DAPK1: variants seen among roughly 807,000 people sequenced by gnomAD.
DAPK1 encodes death associated protein kinase 1, also known as death-associated protein kinase 1.
In DAPK1, 56 loss-of-function variants were observed where a neutral mutation model predicts 144.9. The ratio of observed to expected loss-of-function variants is 0.39; its 90% CI spans 0.31 to 0.48. The LOEUF is 0.48. Among genes scored for constraint, DAPK1 ranks in the 20% least tolerant of loss-of-function variants. The probability of loss-of-function intolerance (pLI) is 0.95; values close to 1 mark genes in which losing one functional copy is unlikely to be tolerated. For synonymous variants in DAPK1, 690 were observed against 749.0 expected (o/e 0.92, Z 1.29); for missense variants, 1,454 against 1,875.4 (o/e 0.78, Z 4.15).
At chr9:87,633,367 T>G (rs1829781041) in intron 3 of DAPK1, 2 of 984,764 alleles carry the variant, frequency 2.0e-6, no homozygotes, top group Admixed American at 6.1e-5. Context: ...TGAGGGGGGA[T>G]GGAGTGAATA....
At chr9:87,508,721 C>T (rs944046757) in intron 2 of DAPK1, among the ~76,000 whole-genome samples, 2 of 151,884 alleles carry the variant, frequency 1.3e-5, no homozygotes, top group Non-Finnish European at 2.9e-5. Context: ...GTGAAAAAGA[C>T]ATGTAGAGAA....
chr9:87,578,486 G>T (rs772666519), intron 2 of DAPK1, among the ~76,000 whole-genome samples: 5 of 152,052 alleles, frequency 3.3e-5, no homozygotes, highest in Non-Finnish European at 7.4e-5. Context: ...TATTTCCTTA[G>T]GATAGATTGC....
At chr9:87,577,963 C>T (rs1827623185) in intron 2 of DAPK1, among the ~76,000 whole-genome samples, 2 of 152,062 alleles carry the variant, frequency 1.3e-5, no homozygotes, top group Non-Finnish European at 2.9e-5. Context: ...AACAGGTGCT[C>T]AGAGGCGATG....
chr9:87,592,042 A>G (rs1828154070), intron 2 of DAPK1, among the ~76,000 whole-genome samples: 2 of 152,186 alleles, frequency 1.3e-5, no homozygotes, highest in South Asian at 4.1e-4. Context: ...TTTAGGCCCC[A>G]TTATGCTGAG....
chr9:87,520,158 A>C (rs527412562), intron 2 of DAPK1, among the ~76,000 whole-genome samples: 7 of 152,270 alleles, frequency 4.6e-5, no homozygotes, highest in African/African-American at 1.7e-4. Flanking sequence ...GTTAGGATTT[A>C]ATTATGGCTT....
At chr9:87,501,455 G>T (rs951542865) in intron 2 of DAPK1, among the ~76,000 whole-genome samples, 6 of 152,182 alleles carry the variant, frequency 3.9e-5, no homozygotes, top group Non-Finnish European at 1.5e-5. Context: ...TGAGGCATGA[G>T]AATCGCCTGA....
At position 87,640,773 on chromosome 9, in the gene DAPK1, AT is replaced by A. The variant is rs1015375983; in HGVS notation, c.783-21del. 9.3e-6 allele frequency: 15 copies of A among 1,611,242 alleles called. No individual in the cohort carries two copies. In the African/African-American group the frequency reaches 1.5e-4, roughly 16 times the overall value. On this transcript the variant is annotated intron_variant, in intron 8 of 25. Transcript: ENST00000408954. The stretch of plus-strand genomic sequence containing the variant: ...TAGTATTTGCTGCTATGGTCACAGC[AT>A]TTTTTTTCTTCTCCCCCTCCCCTCA...
chr9:87,501,609 G>T lies in DAPK1; in HGVS notation c.62+2470G>T, dbSNP rs542537308. Among the ~76,000 whole-genome samples, 12 of 152,252 alleles carry T rather than the reference G, an allele frequency of 7.9e-5. No homozygotes were observed. In the South Asian group the frequency reaches 1.9e-3, roughly 24 times the overall value. ...CTTTAGCAGTCATCTAAATAATAACGATTCACTTACCTTATAAATGTAGTG... is the reference window on the plus strand; with the variant it reads ...CTTTAGCAGTCATCTAAATAATAACTATTCACTTACCTTATAAATGTAGTG... On this transcript the variant is annotated intron_variant, in intron 2 of 25. Transcript: ENST00000408954.
intron 8 of DAPK1, 113 bp from the exon 9 acceptor site, chr9:87,640,689 C>T: frequency 1.6e-6 from 2 of 1,237,204 alleles, no homozygotes; most frequent in South Asian, 2.4e-5. Context: ...GGCTTTCTTC[C>T]CTGAACTGCA....
intron 17 of DAPK1, among the ~76,000 whole-genome samples, chr9:87,657,113 A>T (rs554201198): frequency 1.3e-5 from 2 of 152,282 alleles, no homozygotes; most frequent in South Asian, 4.1e-4. Flanking sequence ...TAGTTTTTTC[A>T]TGGTTCCCCT....
chr9:87,502,611 CCTT>C (rs1824445898), intron 2 of DAPK1, among the ~76,000 whole-genome samples: 3 of 152,230 alleles, frequency 2.0e-5, no homozygotes, highest in South Asian at 4.1e-4. Flanking sequence ...GAGGGACTGG[CCTT>C]CTTTCCTATT....
At chr9:87,599,732 T>G (rs1294679514) in intron 2 of DAPK1, among the ~76,000 whole-genome samples, 1 of 152,216 alleles carries the variant, frequency 6.6e-6, no homozygotes, top group Non-Finnish European at 1.5e-5. Flanking sequence ...AAAAAGTTGG[T>G]GTACAGTTGA....
chr9:87,581,992 A>G (rs1468765780), intron 2 of DAPK1, among the ~76,000 whole-genome samples: 1 of 152,232 alleles, frequency 6.6e-6, no homozygotes, highest in Non-Finnish European at 1.5e-5. Flanking sequence ...TACAAAAAAT[A>G]ACCAAGGTTT....
intron 3 of DAPK1, among the ~76,000 whole-genome samples, chr9:87,634,697 G>C (rs769385718): frequency 1.3e-5 from 2 of 152,210 alleles, no homozygotes; most frequent in Admixed American, 1.3e-4. Context: ...TGGCAGGCCA[G>C]GTGGCTGCTC....
At chr9:87,702,096 C>A (rs921472868) in intron 24 of DAPK1, among the ~76,000 whole-genome samples, 1 of 152,126 alleles carries the variant, frequency 6.6e-6, no homozygotes, top group Non-Finnish European at 1.5e-5. Context: ...TCAGACACCC[C>A]CCGCCCAACC....
intron 3 of DAPK1, among the ~76,000 whole-genome samples, chr9:87,623,645 G>C (rs1219247119): frequency 1.3e-5 from 2 of 152,164 alleles, no homozygotes; most frequent in African/African-American, 2.4e-5. Context: ...CTAGAGGGTG[G>C]GTTGGGAGTG....
intron 3 of DAPK1, among the ~76,000 whole-genome samples, chr9:87,605,981 G>A (rs1414292389): frequency 6.6e-6 from 1 of 152,190 alleles, no homozygotes. Flanking sequence ...TGAGGGAGGA[G>A]GGGCGGATGG....
intron 2 of DAPK1, among the ~76,000 whole-genome samples, chr9:87,514,560 T>C (rs759448620): frequency 6.6e-6 from 1 of 152,230 alleles, no homozygotes; most frequent in Non-Finnish European, 1.5e-5. Context: ...GTCTGTGACT[T>C]GTTTTCTGGT....
chr9:87,685,515 A>C (rs886987373), intron 20 of DAPK1, among the ~76,000 whole-genome samples: 4 of 152,180 alleles, frequency 2.6e-5, no homozygotes, highest in Non-Finnish European at 4.4e-5. Context: ...TCGTTCACCA[A>C]GTTCTTACAG....
Sources: gnomAD v4.1 joint callset for allele counts (sites outside exome capture counted in the v4.1 genomes callset) on GRCh38, gnomAD v4.1.1 for gene constraint, MANE v1.5 for transcripts, NCBI Gene and HGNC (gene_info 2026-07-23, HGNC 2026-07-21) for gene names.